Variants in DLG4 observed in about 807,000 individuals in gnomAD.
DLG4 encodes the protein disks large homolog 4.
In DLG4, 7 loss-of-function variants were observed where a neutral mutation model predicts 93.8. The observed-to-expected ratio is 0.07, with a 90% CI of 0.04 to 0.14. DLG4 has a LOEUF of 0.14. Ranked by LOEUF, DLG4 falls within the 10% of genes least tolerant of loss-of-function variation. The probability of loss-of-function intolerance (pLI) is 1.00; values close to 1 mark genes in which losing one functional copy is unlikely to be tolerated. For missense variants in DLG4, 545 were observed against 992.9 expected (o/e 0.55, Z 6.06); for synonymous variants, 341 against 387.6 (o/e 0.88, Z 1.41).
chr17:7,217,706 G>C, upstream of DLG4: 2 of 1,534,164 alleles, frequency 1.3e-6, no homozygotes, highest in African/African-American at 1.4e-5. Context: ...AACTCCTTCT[G>C]TGCTGGCAGG....
chr17:7,213,096 T>TTTTC (rs2070773166), intron 1 of DLG4, among the ~76,000 whole-genome samples: 1 of 23,880 alleles, frequency 4.2e-5, no homozygotes, highest in Non-Finnish European at 1.2e-4. Flanking sequence ...TCTTTCTTTC[T>TTTTC]TTTTTTTTTT....
At chr17:7,192,223 A>G in intron 17 of DLG4, 1 of 435,870 alleles carries the variant, frequency 2.3e-6, no homozygotes, top group South Asian at 6.1e-5. Context: ...AGAGCACGGG[A>G]GAGGGCAGGG....
At chr17:7,219,682 A>G (rs921097477), upstream of DLG4, 56 of 1,346,052 alleles carry the variant, frequency 4.2e-5, no homozygotes, top group South Asian at 8.4e-4. Context: ...CAGTGACTTA[A>G]GCCCCTTCCT....
intron 8 of DLG4, among the ~76,000 whole-genome samples, chr17:7,197,321 G>C (rs187791212): frequency 6.6e-6 from 1 of 152,056 alleles, no homozygotes; most frequent in East Asian, 1.9e-4. Context: ...AAGTCAAAGG[G>C]AGCATTAATA....
rs200038855 is a variant in DLG4, at chr17:7,193,060, G to A, written c.1751C>T (p.Ser584Leu). The change falls in exon 17 of 20, where the codon TCG becomes TTG. Residue 584 changes from serine to leucine, a missense_variant. Around this residue, in one of 5 missense-constraint regions of DLG4, gnomAD observed 428 missense variants for 741.4 expected, o/e 0.58. Transcript: ENST00000399506. The surrounding 1 kb of genome is among the most constrained non-coding windows in gnomAD (Gnocchi z 6.7). ...GTCCTTCTCCATTTTCTCCCGGGACGACACAAAGTGGTAATCCCGGCCATC... is the reference window on the plus strand; with the variant it reads ...GTCCTTCTCCATTTTCTCCCGGGACAACACAAAGTGGTAATCCCGGCCATC... ...EIDGRDYHFV[S>L]SREKMEKDIQ... The A allele has an allele frequency of 3.7e-4, 592 of 1,613,628 alleles. No homozygotes were observed. The highest frequency in any genetic ancestry group is 7.0e-4 in the Admixed American group (42 of 59,978).
chr17:7,207,588 G>A (rs1159745700), intron 2 of DLG4, among the ~76,000 whole-genome samples: 1 of 152,062 alleles, frequency 6.6e-6, no homozygotes, highest in Non-Finnish European at 1.5e-5. Context: ...GCTTGGAACA[G>A]AGCTCTGGAC....
In DLG4 at chr17:7,188,551, A is replaced by T. The variant is rs2069355557; in HGVS notation, c.*2157T>A. Among the ~76,000 whole-genome samples, 1 of 152,218 alleles carries T rather than the reference A, an allele frequency of 6.6e-6. No individual in the cohort carries two copies. The highest frequency in any genetic ancestry group is 1.5e-5 in the Non-Finnish European group (1 of 68,046). ...AGAAGGCAGAAGGCTGAGAGTCACC[A>T]TTCTACATAGCAGGATCTCAGGAGC... On this transcript the variant is annotated 3_prime_UTR_variant, in exon 20 of 20. Coordinates refer to ENST00000399506, the MANE Select transcript of DLG4 (RefSeq NM_001321075.3).
At chr17:7,217,802 A>G, upstream of DLG4, 1 of 1,535,308 alleles carries the variant, frequency 6.5e-7, no homozygotes, top group Non-Finnish European at 8.7e-7. Flanking sequence ...ACCAGCGATG[A>G]CAGCAAAGAC....
At chr17:7,205,175 G>C in intron 2 of DLG4, 1 of 985,396 alleles carries the variant, frequency 1.0e-6, no homozygotes, top group Non-Finnish European at 1.2e-6. Context: ...CAGTGCAAAG[G>C]ACGTCAGGAA....
intron 2 of DLG4, chr17:7,205,078 G>T: frequency 2.0e-6 from 2 of 985,558 alleles, no homozygotes; most frequent in Non-Finnish European, 2.4e-6. Context: ...TAGCCAGGCC[G>T]AGAGGAGGCC....
At position 7,194,399 on chromosome 17, in the gene DLG4, A is replaced by G. The variant is rs763370784; in HGVS notation, c.1398T>C (p.Ser466=). Residue 466 remains serine, a synonymous_variant, in exon 12 of 20, where the codon AGT becomes AGC. Transcript: ENST00000399506. The surrounding 1 kb of genome is among the most constrained non-coding windows in gnomAD (Gnocchi z 4.4). Reference sequence around the variant, plus strand: ...GCCGTGCCTGCCACCACTCCTCATCACTAGCATCGATGACATGCAGCACAT... The same window carrying G: ...GCCGTGCCTGCCACCACTCCTCATCGCTAGCATCGATGACATGCAGCACAT... The part of the protein sequence containing the change: ...FGDVLHVIDA[S]DEEWWQARRV... The G allele has an allele frequency of 2.6e-5, 42 of 1,612,932 alleles. No homozygotes were observed. Among genetic ancestry groups the G allele is most frequent in the Non-Finnish European group, 3.4e-5 (40 of 1,179,586 alleles).
At position 7,190,344 on chromosome 17, in the gene DLG4, C is replaced by T. The variant is rs970894099; in HGVS notation, c.*364G>A. The T allele has an allele frequency of 2.7e-5, 8 of 292,468 alleles. No individual in the cohort carries two copies. The highest frequency in any genetic ancestry group is 2.3e-4 in the South Asian group (5 of 21,716). 18.1% of individuals were successfully genotyped at this position (292,468 alleles called of 1,614,324 possible). ...CTGCATCCCTGCAGCGGGTGCTCCTCGAGGGGGCCCTGACTTCTGGAATGT... is the reference window on the plus strand; with the variant it reads ...CTGCATCCCTGCAGCGGGTGCTCCTTGAGGGGGCCCTGACTTCTGGAATGT... On this transcript the variant is annotated 3_prime_UTR_variant, in exon 20 of 20. Coordinates refer to ENST00000399506, the MANE Select transcript of DLG4 (RefSeq NM_001321075.3).
At chr17:7,198,576 G>A (rs1315380719) in intron 8 of DLG4, among the ~76,000 whole-genome samples, 1 of 151,374 alleles carries the variant, frequency 6.6e-6, no homozygotes, top group Non-Finnish European at 1.5e-5. Context: ...GAGGCTGGGC[G>A]CAGTGGCTCA....
Position 7,190,570 on chromosome 17 carries a change from C to T in DLG4, c.*138G>A, listed in dbSNP as rs1455076406. 6 of 685,208 alleles carry T rather than the reference C, an allele frequency of 8.8e-6. No homozygotes were observed. In the African/African-American group the frequency reaches 1.1e-4, roughly 12 times the overall value. 42.4% of individuals were successfully genotyped at this position (685,208 alleles called of 1,614,324 possible). ...AGAGGAGTGTCCCCCCTCCAACAGG[C>T]TGGATCCAGTTAGAAAGGAAATAAA... On this transcript the variant is annotated 3_prime_UTR_variant, in exon 20 of 20. Transcript: ENST00000399506.
Position 7,187,481 on chromosome 17 carries a change from G to A in DLG4, c.*3227C>T, listed in dbSNP as rs898973352. Reference sequence around the variant, plus strand: ...GAATAGCTTGAATCCGGAAGGCAGAGGTTGCAGTGAGCAGAGATCGCACCA... The same window carrying A: ...GAATAGCTTGAATCCGGAAGGCAGAAGTTGCAGTGAGCAGAGATCGCACCA... On this transcript the variant is annotated 3_prime_UTR_variant, in exon 20 of 20. Coordinates refer to ENST00000399506, the MANE Select transcript of DLG4 (RefSeq NM_001321075.3). Among the ~76,000 whole-genome samples the A allele has an allele frequency of 1.3e-5, 2 of 151,842 alleles. No homozygotes were observed. Among genetic ancestry groups the A allele is most frequent in the Non-Finnish European group, 2.9e-5 (2 of 67,978 alleles).
Position 7,191,299 on chromosome 17 carries a change from T to C in DLG4, c.2036A>G (p.Lys679Arg), listed in dbSNP as rs1202336067. The C allele has an allele frequency of 1.2e-6, 2 of 1,613,952 alleles. No individual in the cohort carries two copies. The highest frequency in any genetic ancestry group is 4.5e-5 in the East Asian group (2 of 44,866). Residue 679 changes from lysine to arginine, a missense_variant, in exon 19 of 20, where the codon AAG becomes AGG. Physicochemically the swap from Lys to Arg is conservative, Grantham distance 26. This residue lies in a region of DLG4 where 428 missense variants were observed against 741.4 expected (regional missense o/e 0.58). Transcript: ENST00000399506. This position sits in a 1 kb window ranked among gnomAD's most constrained non-coding sequence, Gnocchi z 6.6. ...GCACTCTGTGAACTCCTGCTCCAGC[T>C]TGGTGGCTCTGTCGAAGGCTTTGCG... ...QARKAFDRAT[K>R]LEQEFTECFS...
At chr17:7,217,835 T>G, upstream of DLG4, 2 of 1,533,346 alleles carry the variant, frequency 1.3e-6, no homozygotes, top group Non-Finnish European at 1.7e-6. Context: ...TTTCATTTCT[T>G]AGAGAAGGAA....
In DLG4 at chr17:7,193,358, G is replaced by C; in HGVS notation, c.1693+125C>G. 3 of 1,104,538 alleles carry C rather than the reference G, an allele frequency of 2.7e-6. No individual in the cohort carries two copies. Among genetic ancestry groups the C allele is most frequent in the Middle Eastern group, 2.3e-4 (1 of 4,290 alleles). 68.4% of individuals were successfully genotyped at this position (1,104,538 alleles called of 1,614,324 possible). ...GGGTGGCTGAGAAGCACCCCTTCTCGGAGAAACCCTGTATCTCCCTACACA... is the reference window on the plus strand; with the variant it reads ...GGGTGGCTGAGAAGCACCCCTTCTCCGAGAAACCCTGTATCTCCCTACACA... On this transcript the variant is annotated intron_variant, in intron 16 of 19. Transcript: ENST00000399506. This position sits in a 1 kb window ranked among gnomAD's most constrained non-coding sequence, Gnocchi z 6.7.
chr17:7,204,910 G>T (rs1200378453), intron 2 of DLG4: 1 of 969,200 alleles, frequency 1.0e-6, no homozygotes, highest in East Asian at 1.1e-4. Context: ...GCCTAGCAAC[G>T]GTATCTAGGA....
Sources: gnomAD v4.1 joint callset for allele counts (sites outside exome capture counted in the v4.1 genomes callset) on GRCh38, gnomAD v4.1.1 for gene constraint, gnomAD v4.1.1 regional missense constraint, Gnocchi (gnomAD v3.1) non-coding constraint, MANE v1.5 for transcripts, NCBI Gene and HGNC (gene_info 2026-07-23, HGNC 2026-07-21) for gene names.